KRT26: variants seen among roughly 807,000 people sequenced by gnomAD.
KRT26 encodes the protein keratin, type I cytoskeletal 26.
In KRT26, 45 loss-of-function variants were observed where a neutral mutation model predicts 46.1. That is an observed-to-expected ratio of 0.98 (90% CI 0.77 to 1.25). KRT26 has a LOEUF of 1.25. Ranked by LOEUF, KRT26 falls within the 50% of genes most tolerant of loss-of-function variation. The pLI, the probability that KRT26 is intolerant of heterozygous loss-of-function variation, is 0.00. For synonymous variants in KRT26, 191 were observed against 209.9 expected, an observed-to-expected ratio of 0.91 and a Z score of 0.78; for missense variants, 582 against 560.1, an observed-to-expected ratio of 1.04 and a Z score of -0.39.
At chr17:40,770,956 T>C (rs920036102) in intron 2 of KRT26, among the ~76,000 whole-genome samples, 198 bp downstream of exon 2, 1 of 152,162 alleles carries the variant, frequency 6.6e-6, no homozygotes, top group Non-Finnish European at 1.5e-5. Flanking sequence ...CCTCCCAAGG[T>C]GCTGGGATTA....
intron 1 of KRT26, among the ~76,000 whole-genome samples, 194 bp from the exon 2 acceptor site, chr17:40,771,430 T>C (rs891276117): frequency 6.6e-6 from 1 of 152,270 alleles, no homozygotes; most frequent in Non-Finnish European, 1.5e-5. Context: ...TTTACTACTT[T>C]TGATCAAATG....
At chr17:40,770,111 G>A (rs1414623323) in exon 4 of KRT26, 1 of 1,614,044 alleles carries the variant, frequency 6.2e-7, no homozygotes, top group Non-Finnish European at 8.5e-7. Flanking sequence ...TATATTGCAA[G>A]ACTTCCATTT....
At chr17:40,766,338 C>A (rs1232864172) in exon 8 of KRT26, 4 of 446,718 alleles carry the variant, frequency 9.0e-6, no homozygotes, top group Non-Finnish European at 1.5e-5. Flanking sequence ...AAAAGGATTA[C>A]ATGCATAGAA....
At chr17:40,769,550 A>G (rs1393793561) in intron 5 of KRT26, among the ~76,000 whole-genome samples, 1 of 152,198 alleles carries the variant, frequency 6.6e-6, no homozygotes, top group Non-Finnish European at 1.5e-5. Flanking sequence ...TGCAAGATTT[A>G]AAAAAATTCC....
exon 1 of KRT26, chr17:40,771,699 A>T (rs749594228): frequency 1.2e-6 from 2 of 1,613,650 alleles, no homozygotes; most frequent in Non-Finnish European, 1.7e-6. Context: ...TCTATGACTG[A>T]GAAGTATCTG....
exon 8 of KRT26, chr17:40,766,489 T>A (rs780533771): frequency 5.2e-6 from 8 of 1,529,756 alleles, no homozygotes. Context: ...TCTTTCTTTC[T>A]TTCTTTCCAA....
At chr17:40,769,684 G>A (rs2038202663) in intron 5 of KRT26, 70 bp downstream of exon 5, 1 of 1,487,196 alleles carries the variant, frequency 6.7e-7, no homozygotes, top group South Asian at 1.1e-5. Flanking sequence ...GGTGTTATAT[G>A]TATTTTTATA....
At position 40,767,585 on chromosome 17, in the gene KRT26, C is replaced by T. The variant is rs1168195418; in HGVS notation, c.1255+1G>A. On this transcript the variant is annotated splice_donor_variant, in intron 7 of 7. Coordinates refer to ENST00000335552, the Ensembl canonical transcript of KRT26. LOFTEE classifies it high-confidence loss of function. ...ACCAGGTAAAAAAAATCTATCTATA[C>T]CTTTGGCTTGATTTCCAGAATTCAC... 3 of 1,597,378 alleles carry T rather than the reference C, an allele frequency of 1.9e-6. No homozygotes were observed. Among genetic ancestry groups the T allele is most frequent in the African/African-American group, 2.7e-5 (2 of 74,288 alleles).
At chr17:40,767,724 G>A (rs931971148) in intron 6 of KRT26, 71 bp from the exon 7 acceptor site, 1 of 770,452 alleles carries the variant, frequency 1.3e-6, no homozygotes, top group East Asian at 2.6e-5. Flanking sequence ...CCTCTAAATT[G>A]GAAATAAGAG....
chr17:40,769,597 G>T (rs912995675), intron 5 of KRT26, among the ~76,000 whole-genome samples, 157 bp downstream of exon 5: 1 of 152,114 alleles, frequency 6.6e-6, no homozygotes, highest in Non-Finnish European at 1.5e-5. Context: ...TTTTGGAATT[G>T]GTGAGTTTAG....
intron 7 of KRT26, 27 bp downstream of exon 7, chr17:40,767,559 C>T (rs371645603): frequency 4.9e-6 from 7 of 1,428,944 alleles, no homozygotes; most frequent in Non-Finnish European, 6.8e-6. Flanking sequence ...TAAGGAGTTA[C>T]ACCAGGTAAA....
At chr17:40,770,741 G>A (rs1044710637) in intron 2 of KRT26, among the ~76,000 whole-genome samples, 10 of 152,236 alleles carry the variant, frequency 6.6e-5, no homozygotes, top group African/African-American at 2.2e-4. Flanking sequence ...CTGAAGTGCA[G>A]TGGCCCCATC....
At chr17:40,769,665 T>C in intron 5 of KRT26, 89 bp downstream of exon 5, 1 of 1,322,446 alleles carries the variant, frequency 7.6e-7, no homozygotes. Flanking sequence ...TAAATGGTTA[T>C]ACGTACTTGG....
intron 6 of KRT26, among the ~76,000 whole-genome samples, chr17:40,767,875 C>T (rs796076639): frequency 5.9e-5 from 9 of 152,186 alleles, no homozygotes; most frequent in African/African-American, 2.2e-4. Context: ...CCAGAAATTA[C>T]CTCTTTCATC....
intron 5 of KRT26, 60 bp from the exon 6 acceptor site, chr17:40,769,156 T>A: frequency 9.3e-7 from 1 of 1,074,396 alleles, no homozygotes; most frequent in Non-Finnish European, 1.4e-6. Flanking sequence ...GGTCATCTTA[T>A]ATTATTTTAT....
At chr17:40,771,719 T>C (rs1296142145) in exon 1 of KRT26, 1 of 1,614,272 alleles carries the variant, frequency 6.2e-7, no homozygotes, top group Admixed American at 1.7e-5. Context: ...GCTATAGTCA[T>C]GATCGTGTTC....
chr17:40,766,447 G>A (rs983101343), exon 8 of KRT26: 6 of 1,326,586 alleles, frequency 4.5e-6, no homozygotes, highest in Non-Finnish European at 6.2e-6. Context: ...TTTTGCAAAG[G>A]CAGCCTTTCT....
Position 40,766,570 on chromosome 17 carries a change from G to A in KRT26, c.1352C>T (p.Ser451Phe), listed in dbSNP as rs142760729. 112 of 1,613,424 alleles carry A rather than the reference G, an allele frequency of 6.9e-5. 1 individual carries two copies. In the African/African-American group the frequency reaches 1.3e-3, roughly 19 times the overall value. Residue 451 changes from serine (S) to phenylalanine (F), a missense_variant, in exon 8 of 8, where the codon TCC becomes TTC. Transcript: ENST00000335552. ...TACTGTAATGTTGCTTATTTTAGAGGACTTTTCTTCAACTGAGTGGACTCT... is the reference window on the plus strand; with the variant it reads ...TACTGTAATGTTGCTTATTTTAGAGAACTTTTCTTCAACTGAGTGGACTCT...
At chr17:40,770,362 C>T (rs1396756902) in exon 3 of KRT26, 1 of 1,613,250 alleles carries the variant, frequency 6.2e-7, no homozygotes, top group Admixed American at 1.7e-5. Flanking sequence ...GCGAAGACCA[C>T]TGGTGTCGGC....
Sources: allele counts gnomAD v4.1 joint callset (sites outside exome capture counted in the v4.1 genomes callset), GRCh38; gene constraint gnomAD v4.1.1; transcripts MANE v1.5; gene names NCBI Gene and HGNC (gene_info 2026-07-23, HGNC 2026-07-21).